The following ZMAT4 variants were observed in gnomAD, a reference collection of about 807,000 sequenced individuals.
ZMAT4 encodes the protein zinc finger matrin-type 4.
ZMAT4 carries 17 observed loss-of-function variants against 28.7 expected under a neutral mutation model. The ratio of observed to expected loss-of-function variants is 0.59; its 90% CI spans 0.41 to 0.89. The LOEUF (loss-of-function observed/expected upper bound fraction) is 0.89. Ranked by LOEUF, ZMAT4 falls within the 40% of genes least tolerant of loss-of-function variation. ZMAT4 has a pLI of 0.00. For missense variants in ZMAT4, 240 were observed against 283.8 expected, an observed-to-expected ratio of 0.85 and a Z score of 1.11; for synonymous variants, 117 against 109.2, an observed-to-expected ratio of 1.07 and a Z score of -0.44.
Position 40,583,362 on chromosome 8 carries a change from C to T in ZMAT4, c.578-2101G>A, listed in dbSNP as rs114558278. 9.2e-3 allele frequency among the ~76,000 whole-genome samples: 1,397 copies of T among 152,226 alleles called. 23 individuals carry two copies. The highest frequency in any genetic ancestry group is 0.031 in the African/African-American group (1,290 of 41,538). ...GAAAGCTTCTCACAGACTGTGTGTA[C>T]CCTGTATGAAAGAAGCTGATTTGAT... On this transcript the variant is annotated intron_variant, in intron 5 of 6. Coordinates refer to ENST00000297737, the MANE Select transcript of ZMAT4 (RefSeq NM_024645.3).
intron 3 of ZMAT4, among the ~76,000 whole-genome samples, chr8:40,738,372 T>G (rs990836605): frequency 6.6e-6 from 1 of 152,160 alleles, no homozygotes; most frequent in Non-Finnish European, 1.5e-5. Context: ...CAGGATACCT[T>G]GTCCCCATGG....
chr8:40,839,365 C>G (rs1204581064), intron 1 of ZMAT4, among the ~76,000 whole-genome samples: 1 of 152,200 alleles, frequency 6.6e-6, no homozygotes, highest in Non-Finnish European at 1.5e-5. Flanking sequence ...TCTAGAATGG[C>G]AAAGCCCAGA....
chr8:40,832,907 C>T (rs1326966380), intron 1 of ZMAT4, among the ~76,000 whole-genome samples: 1 of 152,162 alleles, frequency 6.6e-6, no homozygotes, highest in Non-Finnish European at 1.5e-5. Context: ...ACTTGGTTTG[C>T]CCTTTTGTTA....
intron 2 of ZMAT4, among the ~76,000 whole-genome samples, chr8:40,797,949 G>T (rs964850852): frequency 1.3e-5 from 2 of 152,208 alleles, no homozygotes; most frequent in African/African-American, 4.8e-5. Context: ...GGCACTGAGG[G>T]GCTGGCAGGT....
intron 2 of ZMAT4, among the ~76,000 whole-genome samples, chr8:40,813,817 G>C (rs1815424336): frequency 6.6e-6 from 1 of 152,238 alleles, no homozygotes; most frequent in Non-Finnish European, 1.5e-5. Flanking sequence ...TCAGAACAAA[G>C]TTGGGGAATG....
At chr8:40,603,082 T>C (rs1187035412) in intron 5 of ZMAT4, among the ~76,000 whole-genome samples, 2 of 152,220 alleles carry the variant, frequency 1.3e-5, no homozygotes, top group Non-Finnish European at 2.9e-5. Flanking sequence ...GAGTGAAATT[T>C]TGTACTACTC....
chr8:40,651,440 A>G (rs1233412456), intron 5 of ZMAT4, among the ~76,000 whole-genome samples: 1 of 151,636 alleles, frequency 6.6e-6, no homozygotes, highest in East Asian at 1.9e-4. Context: ...ATACAAACAA[A>G]TGGAAGAACA....
chr8:40,552,348 C>T (rs970488138), intron 6 of ZMAT4, among the ~76,000 whole-genome samples: 3 of 152,160 alleles, frequency 2.0e-5, no homozygotes, highest in East Asian at 1.9e-4. Context: ...CCTAAACACA[C>T]GCAGTCATAA....
intron 1 of ZMAT4, among the ~76,000 whole-genome samples, chr8:40,878,267 C>A (rs866387074): frequency 3.9e-5 from 6 of 152,180 alleles, no homozygotes; most frequent in Non-Finnish European, 8.8e-5. Flanking sequence ...CCTGTCCCCC[C>A]AGTCCTCACT....
chr8:40,536,904 GA>G (rs33947310), intron 6 of ZMAT4, among the ~76,000 whole-genome samples: 24,024 of 143,578 alleles, frequency 0.17, 2,686 homozygotes, highest in African/African-American at 0.32. Context: ...GGGGTTTGGA[GA>G]AAAAAAAAAA....
intron 2 of ZMAT4, among the ~76,000 whole-genome samples, chr8:40,779,884 C>T (rs1297188518): frequency 6.6e-6 from 1 of 152,148 alleles, no homozygotes; most frequent in Non-Finnish European, 1.5e-5. Flanking sequence ...CAAGGCCAAC[C>T]CGCCGGCAAC....
intron 1 of ZMAT4, among the ~76,000 whole-genome samples, chr8:40,871,608 C>A (rs1454263124): frequency 6.6e-6 from 1 of 152,156 alleles, no homozygotes; most frequent in Non-Finnish European, 1.5e-5. Flanking sequence ...AAGAGATTCC[C>A]AACCAGGACA....
intron 1 of ZMAT4, among the ~76,000 whole-genome samples, chr8:40,846,882 C>A (rs894272155): frequency 1.3e-5 from 2 of 152,128 alleles, no homozygotes; most frequent in Non-Finnish European, 2.9e-5. Flanking sequence ...GGCTTTTAAA[C>A]ACACACACCC....
At chr8:40,829,753 T>C (rs1213139745) in intron 1 of ZMAT4, among the ~76,000 whole-genome samples, 1 of 152,162 alleles carries the variant, frequency 6.6e-6, no homozygotes, top group African/African-American at 2.4e-5. Context: ...TTATCAAGAA[T>C]CTCTTCAAGA....
chr8:40,817,173 C>T (rs1430650415), intron 2 of ZMAT4, among the ~76,000 whole-genome samples: 1 of 152,078 alleles, frequency 6.6e-6, no homozygotes, highest in Non-Finnish European at 1.5e-5. Flanking sequence ...TGTTTTGTTA[C>T]TGATACATGG....
chr8:40,690,819 A>C, intron 4 of ZMAT4: 9 of 837,806 alleles, frequency 1.1e-5, no homozygotes, highest in Non-Finnish European at 1.3e-5. Flanking sequence ...TTTCAACAGG[A>C]AATAAGGAAA....
intron 2 of ZMAT4, among the ~76,000 whole-genome samples, chr8:40,776,915 C>A (rs893849949): frequency 1.4e-5 from 2 of 138,832 alleles, no homozygotes; most frequent in South Asian, 2.4e-4. Context: ...TGATAGCCAC[C>A]GATTTCTTTC....
intron 5 of ZMAT4, among the ~76,000 whole-genome samples, chr8:40,660,575 C>G (rs1808143333): frequency 6.6e-6 from 1 of 152,156 alleles, no homozygotes; most frequent in Admixed American, 6.5e-5. Flanking sequence ...TAAGGTGACT[C>G]CACTGTAGCA....
chr8:40,894,818 C>T (rs923370961), intron 1 of ZMAT4, among the ~76,000 whole-genome samples: 18 of 151,714 alleles, frequency 1.2e-4, no homozygotes, highest in Admixed American at 9.2e-4. Context: ...ACCAAAACAG[C>T]GAACACAATA....
Sources: gnomAD v4.1 joint callset for allele counts (sites outside exome capture counted in the v4.1 genomes callset) on GRCh38, gnomAD v4.1.1 for gene constraint, MANE v1.5 for transcripts, NCBI Gene and HGNC (gene_info 2026-07-23, HGNC 2026-07-21) for gene names.